The following PKHD1 variants were observed in gnomAD, a reference collection of about 807,000 sequenced individuals.
The protein encoded by PKHD1 is fibrocystin.
A neutral mutation model predicts 412.0 loss-of-function variants in PKHD1; 291 were observed. The observed-to-expected ratio is 0.71, with a 90% CI of 0.64 to 0.78. The LOEUF (loss-of-function observed/expected upper bound fraction) is 0.78, where lower values mean the gene tolerates loss of function less well. Ranked by LOEUF, PKHD1 falls within the 30% of genes least tolerant of loss-of-function variation. The probability of loss-of-function intolerance (pLI) is 0.00; values close to 1 mark genes in which losing one functional copy is unlikely to be tolerated. For synonymous variants in PKHD1, 1,777 were observed against 1,821.5 expected, an observed-to-expected ratio of 0.98 and a Z score of 0.62; for missense variants, 4,825 against 4,950.7, an observed-to-expected ratio of 0.97 and a Z score of 0.76.
rs1030311767 is a variant in PKHD1 at position 51,840,760 on chromosome 6, G to A, written c.8108-4291C>T. ...CAGGTGTTCTTACCAAGTAAAGAGC[G>A]AGACCCAGATGGAAAAGATCCTTAC... On this transcript the variant is annotated intron_variant, in intron 50 of 66. Transcript: ENST00000371117. 5.3e-5 allele frequency among the ~76,000 whole-genome samples: 8 copies of A among 152,016 alleles called. No homozygotes were observed. In the East Asian group the frequency reaches 7.7e-4, roughly 15 times the overall value.
At position 51,638,930 on chromosome 6, in the gene PKHD1, C is replaced by T. The variant is rs1363452328; in HGVS notation, c.11425G>A (p.Gly3809Ser). ...GCCAAGTTGTAGAAGCTAACATAAC[C>T]ATCTTGAGTTTCTGCCTGGGTGCAC... ...KGCTQAETQD[G>S]YVSFYNLAVL... Residue 3809 changes from glycine to serine, a missense_variant, in exon 64 of 67, where the codon GGT becomes AGT. Physicochemically the swap from Gly to Ser is moderately conservative, Grantham distance 56 (BLOSUM62 0). Transcript: ENST00000371117. The T allele has an allele frequency of 1.9e-6, 3 of 1,613,656 alleles. No individual in the cohort carries two copies. Among genetic ancestry groups the T allele is most frequent in the South Asian group, 2.2e-5 (2 of 91,074 alleles).
intron 49 of PKHD1, among the ~76,000 whole-genome samples, chr6:51,850,246 G>A (rs760302614): frequency 1.3e-5 from 2 of 152,100 alleles, no homozygotes; most frequent in Non-Finnish European, 2.9e-5. Context: ...CTGCTCCATC[G>A]GTCTATATGT....
chr6:51,767,648 A>G (rs1419742821), intron 55 of PKHD1, among the ~76,000 whole-genome samples: 1 of 152,110 alleles, frequency 6.6e-6, no homozygotes, highest in Non-Finnish European at 1.5e-5. Flanking sequence ...ACATGAACTC[A>G]TCATTTTTTA....
intron 29 of PKHD1, 33 bp from the exon 30 acceptor site, chr6:52,028,384 T>A: frequency 1.3e-6 from 2 of 1,582,492 alleles, no homozygotes; most frequent in Non-Finnish European, 1.7e-6. Context: ...GCCTCTGACA[T>A]GTGGGGTTTG....
intron 48 of PKHD1, among the ~76,000 whole-genome samples, chr6:51,861,307 A>C (rs1774152470): frequency 6.6e-6 from 1 of 152,200 alleles, no homozygotes; most frequent in African/African-American, 2.4e-5. Flanking sequence ...ATGAGAGCAG[A>C]TATTAACTCC....
intron 53 of PKHD1, among the ~76,000 whole-genome samples, chr6:51,778,969 T>G (rs9370054): frequency 0.59 from 89,024 of 151,862 alleles, 26,855 homozygotes; most frequent in East Asian, 0.83. Context: ...CCACCGTAAT[T>G]TATTCCTAAA....
chr6:52,007,848 A>G (rs1466512443), intron 35 of PKHD1, among the ~76,000 whole-genome samples: 1 of 152,168 alleles, frequency 6.6e-6, no homozygotes, highest in East Asian at 1.9e-4. Flanking sequence ...AACTTCCACC[A>G]TATTGATCCA....
intron 34 of PKHD1, among the ~76,000 whole-genome samples, chr6:52,014,218 C>T (rs1324741915): frequency 6.6e-6 from 1 of 152,210 alleles, no homozygotes; most frequent in Non-Finnish European, 1.5e-5. Flanking sequence ...TTTGCTGCTG[C>T]CACTGCCTCA....
At chr6:51,683,913 C>T (rs1777058245) in intron 60 of PKHD1, among the ~76,000 whole-genome samples, 1 of 152,014 alleles carries the variant, frequency 6.6e-6, no homozygotes, top group Non-Finnish European at 1.5e-5. Flanking sequence ...ACAAATTCTC[C>T]TTCTCTTTTA....
chr6:51,775,464 A>T (rs1790864279), intron 54 of PKHD1, among the ~76,000 whole-genome samples: 1 of 151,976 alleles, frequency 6.6e-6, no homozygotes, highest in Admixed American at 6.6e-5. Flanking sequence ...TAGATCTATC[A>T]GTTGTATAAA....
chr6:51,922,803 A>G (rs1784906872), intron 37 of PKHD1, among the ~76,000 whole-genome samples: 1 of 152,230 alleles, frequency 6.6e-6, no homozygotes, highest in Admixed American at 6.5e-5. Flanking sequence ...GGAAAAGTGC[A>G]GCACTAGGGT....
chr6:51,842,275 C>T (rs939634397), intron 50 of PKHD1, among the ~76,000 whole-genome samples: 1 of 152,118 alleles, frequency 6.6e-6, no homozygotes, highest in African/African-American at 2.4e-5. Flanking sequence ...GCTGTGTGAA[C>T]TCGGGAGGGC....
At chr6:51,922,216 G>T (rs1014027098) in intron 37 of PKHD1, among the ~76,000 whole-genome samples, 5 of 152,334 alleles carry the variant, frequency 3.3e-5, no homozygotes, top group African/African-American at 1.2e-4. Flanking sequence ...GTTTGCTGGA[G>T]GTCCACTCCA....
intron 61 of PKHD1, among the ~76,000 whole-genome samples, chr6:51,649,501 A>G (rs971320209): frequency 4.6e-5 from 7 of 152,184 alleles, no homozygotes; most frequent in Non-Finnish European, 2.9e-5. Context: ...GCCAAAAAAT[A>G]AAAGCCTCAG....
rs767232748 is a variant in PKHD1 at position 52,060,037 on chromosome 6, C to T, written c.1124G>A (p.Arg375Gln). 2.1e-5 allele frequency: 34 copies of T among 1,586,674 alleles called. No individual in the cohort carries two copies. The highest frequency in any genetic ancestry group is 1.1e-4 in the East Asian group (5 of 44,742). Residue 375 changes from arginine to glutamine, a missense_variant, in exon 15 of 67, where the codon CGG becomes CAG. Transcript: ENST00000371117. ...TGGAGCCACAAAGAACCCACTGAGC[C>T]GTGCTCTGTAAAGTAGAACATAGAG... ...WSQEGQPFRA[R>Q]LSGFFVAPET...
intron 41 of PKHD1, among the ~76,000 whole-genome samples, chr6:51,905,264 A>G (rs1227804417): frequency 6.6e-6 from 1 of 152,170 alleles, no homozygotes; most frequent in Non-Finnish European, 1.5e-5. Context: ...ATTTCTTTCA[A>G]CTAATAGATC....
At chr6:51,707,130 CTGA>C (rs1254297078) in intron 60 of PKHD1, among the ~76,000 whole-genome samples, 3 of 152,090 alleles carry the variant, frequency 2.0e-5, no homozygotes, top group Non-Finnish European at 4.4e-5. Context: ...CCATGACAGC[CTGA>C]TAAGTTTGTT....
intron 7 of PKHD1, among the ~76,000 whole-genome samples, chr6:52,073,111 T>C (rs139356262): frequency 2.0e-5 from 3 of 152,346 alleles, no homozygotes; most frequent in Admixed American, 6.5e-5. Flanking sequence ...AAAGTTATAA[T>C]GGGCTTTTGG....
intron 65 of PKHD1, among the ~76,000 whole-genome samples, chr6:51,631,433 T>C (rs1355742764): frequency 6.6e-6 from 1 of 152,098 alleles, no homozygotes; most frequent in Non-Finnish European, 1.5e-5. Context: ...ATACAGAAAA[T>C]GTATCCAGTG....
Sources: allele counts gnomAD v4.1 joint callset (sites outside exome capture counted in the v4.1 genomes callset), GRCh38; gene constraint gnomAD v4.1.1; transcripts MANE v1.5; gene names NCBI Gene and HGNC (gene_info 2026-07-23, HGNC 2026-07-21).